Variants in GSPT1 observed in about 807,000 individuals in gnomAD.
GSPT1 encodes the protein eukaryotic peptide chain release factor GTP-binding subunit ERF3A.
GSPT1 carries 20 observed loss-of-function variants against 72.5 expected under a neutral mutation model. That is an observed-to-expected ratio of 0.28 (90% CI 0.19 to 0.40). The LOEUF is 0.40. Among genes scored for constraint, GSPT1 ranks in the 10% least tolerant of loss-of-function variants. GSPT1 has a pLI of 1.00. For missense variants in GSPT1, 580 were observed against 811.9 expected (o/e 0.71, Z 3.47); for synonymous variants, 334 against 293.5 (o/e 1.14, Z -1.41).
intron 1 of GSPT1, among the ~76,000 whole-genome samples, chr16:11,898,555 G>A (rs929038530): frequency 6.7e-6 from 1 of 150,224 alleles, no homozygotes; most frequent in African/African-American, 2.5e-5. Flanking sequence ...CGGTTCAAGC[G>A]ATTCTCCTGC....
At chr16:11,892,315 C>T (rs1028327500) in intron 5 of GSPT1, among the ~76,000 whole-genome samples, 2 of 149,318 alleles carry the variant, frequency 1.3e-5, no homozygotes, top group Non-Finnish European at 3.0e-5. Flanking sequence ...TGCACTCTAG[C>T]CTGTGTTTAA....
intron 13 of GSPT1, 35 bp from the exon 14 acceptor site, chr16:11,875,964 A>ATGCCAAATAAAATAATCTT: frequency 6.4e-7 from 1 of 1,572,838 alleles, no homozygotes; most frequent in Non-Finnish European, 8.7e-7. Flanking sequence ...AATCAGAATA[A>ATGCCAAATAAAATAATCTT]TGCCAAATAA....
intron 1 of GSPT1, among the ~76,000 whole-genome samples, chr16:11,902,970 G>C (rs976979293): frequency 6.6e-6 from 1 of 152,050 alleles, no homozygotes; most frequent in Admixed American, 6.6e-5. Context: ...ACCCACCTCA[G>C]CCTCCCAAAG....
intron 6 of GSPT1, among the ~76,000 whole-genome samples, chr16:11,888,699 T>A (rs1045924659): frequency 6.6e-6 from 1 of 151,864 alleles, no homozygotes; most frequent in Non-Finnish European, 1.5e-5. Flanking sequence ...GAGGCGGAGG[T>A]TGCAGTGAGC....
At chr16:11,912,278 G>A (rs1324340859) in intron 1 of GSPT1, among the ~76,000 whole-genome samples, 2 of 150,960 alleles carry the variant, frequency 1.3e-5, no homozygotes, top group Non-Finnish European at 3.0e-5. Flanking sequence ...AACCTGGGAG[G>A]AGGAGGTTGT....
chr16:11,880,252 T>C (rs1029609833), intron 11 of GSPT1: 5 of 152,336 alleles, frequency 3.3e-5, no homozygotes, highest in South Asian at 2.1e-4. Flanking sequence ...GACACCAGGG[T>C]TGCTTCCACC....
Position 11,891,048 on chromosome 16 carries a change from A to G in GSPT1, c.776+14T>C, listed in dbSNP as rs2054252381. ...TTAAAAGTAATTTATAAGTGTCATA[A>G]AAGTTTACTATACCAAGTTTCTCTG... On this transcript the variant is annotated intron_variant, in intron 6 of 14. Transcript: ENST00000434724. 7.3e-6 allele frequency: 9 copies of G among 1,240,444 alleles called. No homozygotes were observed. Among genetic ancestry groups the G allele is most frequent in the Admixed American group, 2.2e-5 (1 of 45,990 alleles). The allele number at this position is 1,240,444 out of a possible 1,614,324, so 76.8% of individuals were successfully genotyped here.
At chr16:11,912,046 TAAAA>T (rs371293585) in intron 1 of GSPT1, among the ~76,000 whole-genome samples, 5 of 113,212 alleles carry the variant, frequency 4.4e-5, no homozygotes, top group Non-Finnish European at 8.8e-5. Context: ...GTCAATCATT[TAAAA>T]AAAAAAAAAA....
At chr16:11,915,139 C>A (rs2054615070) in intron 1 of GSPT1, 1 of 1,063,602 alleles carries the variant, frequency 9.4e-7, no homozygotes, top group African/African-American at 1.7e-5. Context: ...GCACTCGGGT[C>A]CGGGTCTTTG....
chr16:11,903,747 T>G (rs554150949), intron 1 of GSPT1, among the ~76,000 whole-genome samples: 10 of 152,334 alleles, frequency 6.6e-5, no homozygotes, highest in Middle Eastern at 6.8e-3. Context: ...CAACACAGTG[T>G]GAATGTACTA....
rs2053967249 is a variant in GSPT1, at chr16:11,870,549, A to C, written c.*2570T>G. On this transcript the variant is annotated 3_prime_UTR_variant, in exon 15 of 15. Transcript: ENST00000434724. ...AAGCACGTTTGCATTTGCAGAAAAC[A>C]GAATGACAGCATAGGAATTTGTATT... 6.6e-6 allele frequency: 1 copy of C among 152,250 alleles called. No homozygotes were observed. The highest frequency in any genetic ancestry group is 2.4e-5 in the African/African-American group (1 of 41,468). 9.4% of individuals were successfully genotyped at this position (152,250 alleles called of 1,614,324 possible).
rs2053969062 is a variant in GSPT1, at chr16:11,870,735, A to C, written c.*2384T>G. The C allele has an allele frequency of 6.6e-6, 1 of 152,236 alleles. No homozygotes were observed. The highest frequency in any genetic ancestry group is 1.5e-5 in the Non-Finnish European group (1 of 68,036). The allele number at this position is 152,236 out of a possible 1,614,324, so 9.4% of individuals were successfully genotyped here. Reference sequence around the variant, plus strand: ...CCCATAGAACTTATGTTGCTGGTTAATTTTAGCACTGAAATTTCTTTTGAA... The same window carrying C: ...CCCATAGAACTTATGTTGCTGGTTACTTTTAGCACTGAAATTTCTTTTGAA... On this transcript the variant is annotated 3_prime_UTR_variant, in exon 15 of 15. Coordinates refer to ENST00000434724, the MANE Select transcript of GSPT1 (RefSeq NM_002094.4).
chr16:11,915,121 G>C, intron 1 of GSPT1: 1 of 1,124,542 alleles, frequency 8.9e-7, no homozygotes. Context: ...CAGGGGCGCG[G>C]AGGGGCGGCA....
intron 1 of GSPT1, among the ~76,000 whole-genome samples, chr16:11,902,689 G>C (rs566069957): frequency 1.3e-5 from 2 of 151,374 alleles, no homozygotes; most frequent in Non-Finnish European, 2.9e-5. Context: ...CTGGGTTCAA[G>C]CGATTCTCCT....
In GSPT1 at chr16:11,887,576, A is replaced by G. The variant is rs913586733; in HGVS notation, c.951T>C (p.Ala317=). 2 of 1,613,570 alleles carry G rather than the reference A, an allele frequency of 1.2e-6. No individual in the cohort carries two copies. The highest frequency in any genetic ancestry group is 1.7e-6 in the Non-Finnish European group (2 of 1,179,624). ...CTGGAAATGTCTTTCTTACCAGCAC[A>G]GCCAAATCAGCTTGAGAGGCACCAC... ...MIGGASQADL[A]VLVISARKGE... The change falls in exon 7 of 15, where the codon GCT becomes GCC. Residue 317 remains alanine, a synonymous_variant. Coordinates refer to ENST00000434724, the MANE Select transcript of GSPT1 (RefSeq NM_002094.4).
At position 11,891,134 on chromosome 16, in the gene GSPT1, A is replaced by C; in HGVS notation, c.704T>G (p.Leu235Trp). The C allele has an allele frequency of 6.9e-7, 1 of 1,446,668 alleles. No individual in the cohort carries two copies. The allele number at this position is 1,446,668 out of a possible 1,614,324, so 89.6% of individuals were successfully genotyped here. The change falls in exon 6 of 15, where the codon TTG becomes TGG. Residue 235 changes from leucine (L) to tryptophan (W), a missense_variant. Physicochemically the swap from Leu to Trp is moderately conservative, Grantham distance 61 (BLOSUM62 -2). Coordinates refer to ENST00000434724, the MANE Select transcript of GSPT1 (RefSeq NM_002094.4). ...CGTCCTTTTGTCAACCATTCCAGTC[A>C]AATACCTGAAAACATTTAAAGAAAA... ...KSTIGGQIMY[L>W]TGMVDKRTLE...
chr16:11,910,945 T>C (rs1360256941), intron 1 of GSPT1, among the ~76,000 whole-genome samples: 2 of 152,192 alleles, frequency 1.3e-5, no homozygotes, highest in Admixed American at 6.6e-5. Context: ...AAGCCATTCA[T>C]ACGTGTAAAA....
chr16:11,900,980 C>G (rs1316946637), intron 1 of GSPT1, among the ~76,000 whole-genome samples: 3 of 151,862 alleles, frequency 2.0e-5, no homozygotes, highest in East Asian at 1.9e-4. Flanking sequence ...ATGGCAAAAC[C>G]CCACCTGTAC....
intron 1 of GSPT1, among the ~76,000 whole-genome samples, chr16:11,912,064 A>AC (rs1234228078): frequency 3.0e-5 from 3 of 98,392 alleles, no homozygotes; most frequent in African/African-American, 1.7e-4. Context: ...AAAAAAAAAA[A>AC]GGCCAGGCGC....
Sources: allele counts gnomAD v4.1 joint callset (sites outside exome capture counted in the v4.1 genomes callset), GRCh38; gene constraint gnomAD v4.1.1; transcripts MANE v1.5; gene names NCBI Gene and HGNC (gene_info 2026-07-23, HGNC 2026-07-21).